Variants in FAM114A1 observed in about 807,000 individuals in gnomAD.
FAM114A1 encodes the protein family with sequence similarity 114 member A1, also known as protein NOXP20.
FAM114A1 carries 62 observed loss-of-function variants against 64.3 expected under a neutral mutation model. That is an observed-to-expected ratio of 0.96 (90% CI 0.79 to 1.19). The LOEUF (loss-of-function observed/expected upper bound fraction) is 1.19. Ranked by LOEUF, FAM114A1 falls within the 50% of genes most tolerant of loss-of-function variation. The pLI is 0.00. For missense variants in FAM114A1, 645 were observed against 676.3 expected (o/e 0.95, Z 0.51); for synonymous variants, 254 against 251.1 (o/e 1.01, Z -0.11).
intron 7 of FAM114A1, among the ~76,000 whole-genome samples, chr4:38,911,854 C>CTTTTTTTTTTTTTTTTTTTTTTTT (rs1560313013): frequency 1.1e-5 from 1 of 94,430 alleles, no homozygotes; most frequent in Non-Finnish European, 2.1e-5. Flanking sequence ...CTTTTTTTTT[C>CTTTTTTTTTTTTTTTTTTTTTTTT]TTTTTTCTTT....
rs140463717 is a variant in FAM114A1 at position 38,877,487 on chromosome 4, A to G, written c.-8-584A>G. On this transcript the variant is annotated intron_variant, in intron 2 of 14. Coordinates refer to ENST00000358869, the MANE Select transcript of FAM114A1 (RefSeq NM_138389.4). ...AATCTAATGCCACCACTGATCTGAT[A>G]GGAGGCGGAGTTCAGGTGGTAATGC... 4.9e-3 allele frequency among the ~76,000 whole-genome samples: 750 copies of G among 152,308 alleles called. 5 individuals are homozygous for G. Among genetic ancestry groups the G allele is most frequent in the South Asian group, 0.035 (169 of 4,826 alleles).
intron 7 of FAM114A1, among the ~76,000 whole-genome samples, chr4:38,912,170 G>A (rs1307683307): frequency 1.3e-5 from 2 of 151,824 alleles, no homozygotes; most frequent in Non-Finnish European, 2.9e-5. Flanking sequence ...CAAGCGCAGG[G>A]AATACTCTTT....
chr4:38,882,726 T>C (rs1159913694), intron 3 of FAM114A1, among the ~76,000 whole-genome samples: 1 of 147,770 alleles, frequency 6.8e-6, no homozygotes, highest in Non-Finnish European at 1.5e-5. Flanking sequence ...CATTAGATTT[T>C]GTGATAATGC....
chr4:38,932,165 A>G, intron 11 of FAM114A1, 70 bp from the exon 12 acceptor site: 4 of 1,499,082 alleles, frequency 2.7e-6, no homozygotes, highest in Non-Finnish European at 3.6e-6. Context: ...ATCACTTCTA[A>G]TGTCACAGCA....
Position 38,890,043 on chromosome 4 carries a change from C to T in FAM114A1, c.349-1700C>T, listed in dbSNP as rs1414584392. ...CTATAATGTATCATGAAAGCAAAAA[C>T]TTTTCCATTTATATATCTCATTGGT... is the stretch of plus-strand genomic sequence containing the variant. On this transcript the variant is annotated intron_variant, in intron 3 of 14. Coordinates refer to ENST00000358869, the MANE Select transcript of FAM114A1 (RefSeq NM_138389.4). Among the ~76,000 whole-genome samples the T allele has an allele frequency of 3.3e-5, 5 of 151,644 alleles. No homozygotes were observed. In the Middle Eastern group the frequency reaches 0.01, roughly 309 times the overall value.
intron 2 of FAM114A1, among the ~76,000 whole-genome samples, chr4:38,876,122 A>AT (rs35333869): frequency 2.1e-5 from 3 of 142,504 alleles, no homozygotes; most frequent in South Asian, 2.2e-4. Context: ...AATGGCAAGT[A>AT]TTTTTTTTGA....
intron 3 of FAM114A1, among the ~76,000 whole-genome samples, chr4:38,887,828 A>T (rs1715964251): frequency 6.6e-6 from 1 of 152,096 alleles, no homozygotes; most frequent in African/African-American, 2.4e-5. Context: ...AGAGTTTCAG[A>T]CTCCAGAGCA....
At chr4:38,943,403 T>C in intron 14 of FAM114A1, 53 bp from the exon 15 acceptor site, 2 of 1,459,152 alleles carry the variant, frequency 1.4e-6, no homozygotes, top group Non-Finnish European at 1.9e-6. Flanking sequence ...GGAAGTATTG[T>C]CAAGGTTGAA....
At chr4:38,892,183 C>T (rs1034019661) in intron 4 of FAM114A1, among the ~76,000 whole-genome samples, 1 of 152,150 alleles carries the variant, frequency 6.6e-6, no homozygotes, top group African/African-American at 2.4e-5. Flanking sequence ...CTTAAAGCTT[C>T]GTGTTTATCG....
chr4:38,932,215 C>A lies in FAM114A1; in HGVS notation c.1324-20C>A. The A allele has an allele frequency of 6.3e-7, 1 of 1,575,020 alleles. No homozygotes were observed. Among genetic ancestry groups the A allele is most frequent in the Non-Finnish European group, 8.6e-7 (1 of 1,167,224 alleles). On this transcript the variant is annotated intron_variant, in intron 11 of 14. Coordinates refer to ENST00000358869, the MANE Select transcript of FAM114A1 (RefSeq NM_138389.4). ...CATCTGCTCAGTAAAAAATTTCTTG[C>A]TTGTGTCTATTCATTTCAGGAAGTA...
chr4:38,873,445 A>G (rs1714285649), intron 2 of FAM114A1, among the ~76,000 whole-genome samples: 1 of 152,212 alleles, frequency 6.6e-6, no homozygotes, highest in South Asian at 2.1e-4. Flanking sequence ...ATGCACAGGA[A>G]GCCATGCCAA....
At chr4:38,894,156 A>G (rs1284012015) in intron 4 of FAM114A1, among the ~76,000 whole-genome samples, 1 of 98,532 alleles carries the variant, frequency 1.0e-5, no homozygotes, top group African/African-American at 4.0e-5. Flanking sequence ...GAATGAGAGT[A>G]TGTCTCAAAA....
In FAM114A1 at chr4:38,943,360, G is replaced by C. The variant is rs2109824164; in HGVS notation, c.1591-96G>C. The C allele has an allele frequency of 8.0e-6, 8 of 997,852 alleles. No individual in the cohort carries two copies. In the South Asian group the frequency reaches 1.1e-4, roughly 14 times the overall value. The allele number at this position is 997,852 out of a possible 1,614,324, so 61.8% of individuals were successfully genotyped here. Reference sequence around the variant, plus strand: ...CAAGATAAATATAATCCAATATGGGGGGTGGGTTGAAGAGTGGGAACATTA... The same window carrying C: ...CAAGATAAATATAATCCAATATGGGCGGTGGGTTGAAGAGTGGGAACATTA... On this transcript the variant is annotated intron_variant, in intron 14 of 14. Transcript: ENST00000358869.
intron 4 of FAM114A1, among the ~76,000 whole-genome samples, chr4:38,902,614 ATCTTCTT>A (rs559462016): frequency 2.8e-4 from 42 of 152,286 alleles, no homozygotes; most frequent in Middle Eastern, 3.4e-3. Context: ...CGACATTCTC[ATCTTCTT>A]TGCAGCACTC....
intron 4 of FAM114A1, among the ~76,000 whole-genome samples, chr4:38,893,525 A>T (rs964078669): frequency 6.6e-6 from 1 of 152,206 alleles, no homozygotes; most frequent in East Asian, 1.9e-4. Context: ...CACAGAAATC[A>T]TCTGCTCTGT....
chr4:38,868,015 T>C, intron 1 of FAM114A1, 181 bp downstream of exon 1: 1 of 420,346 alleles, frequency 2.4e-6, no homozygotes, highest in East Asian at 8.6e-5. Context: ...GGTGAGGGTC[T>C]GGGGCGGCGC....
At position 38,943,490 on chromosome 4, in the gene FAM114A1, T is replaced by C. The variant is rs755374252; in HGVS notation, c.1625T>C (p.Phe542Ser). Residue 542 changes from phenylalanine to serine, a missense_variant, in exon 15 of 15, where the codon TTC (phenylalanine) becomes TCC (serine). By Grantham distance (155) the Phe-to-Ser change is radical. Transcript: ENST00000358869. ...CNSTTYIQDAFQLLLPVLQVS... is the reference protein window; with the variant it reads ...CNSTTYIQDASQLLLPVLQVS... ...AGTACAACGTACATACAGGATGCCTTCCAGCTGCTGCTGCCTGTTCTGCAG... is the reference window on the plus strand; with the variant it reads ...AGTACAACGTACATACAGGATGCCTCCCAGCTGCTGCTGCCTGTTCTGCAG... 1.2e-6 allele frequency: 2 copies of C among 1,614,132 alleles called. No individual in the cohort carries two copies. The highest frequency in any genetic ancestry group is 2.2e-5 in the South Asian group (2 of 91,086).
intron 11 of FAM114A1, among the ~76,000 whole-genome samples, 176 bp downstream of exon 11, chr4:38,931,788 A>AAAT (rs1255594826): frequency 3.9e-5 from 6 of 152,242 alleles, no homozygotes; most frequent in Non-Finnish European, 5.9e-5. Context: ...TAAAAATACA[A>AAAT]AATAATAATA....
intron 12 of FAM114A1, among the ~76,000 whole-genome samples, chr4:38,934,072 G>A (rs1720882566): frequency 6.6e-6 from 1 of 152,182 alleles, no homozygotes; most frequent in Non-Finnish European, 1.5e-5. Flanking sequence ...ATAGGCACTT[G>A]CCTAAACATT....
Sources: allele counts gnomAD v4.1 joint callset (sites outside exome capture counted in the v4.1 genomes callset), GRCh38; gene constraint gnomAD v4.1.1; transcripts MANE v1.5; gene names NCBI Gene and HGNC (gene_info 2026-07-23, HGNC 2026-07-21).